PATL2: variants seen among roughly 807,000 people sequenced by gnomAD.
PATL2 encodes protein PAT1 homolog 2.
A neutral mutation model predicts 77.0 loss-of-function variants in PATL2; 73 were observed. That is an observed-to-expected ratio of 0.95 (90% CI 0.78 to 1.15). The LOEUF (loss-of-function observed/expected upper bound fraction) is 1.15, where lower values mean the gene tolerates loss of function less well. Ranked by LOEUF, PATL2 falls within the 50% of genes most tolerant of loss-of-function variation. PATL2 has a pLI of 0.00. For synonymous variants in PATL2, 265 were observed against 257.1 expected (o/e 1.03, Z -0.29); for missense variants, 618 against 655.4 (o/e 0.94, Z 0.62).
chr15:44,703,051 G>A (rs2141267277), intron 3 of PATL2, among the ~76,000 whole-genome samples: 1 of 152,158 alleles, frequency 6.6e-6, no homozygotes, highest in African/African-American at 2.4e-5. Flanking sequence ...CAAGGCAGGT[G>A]GATCACAAGG....
chr15:44,687,427 A>C (rs1418099727), intron 3 of PATL2, among the ~76,000 whole-genome samples: 1 of 152,256 alleles, frequency 6.6e-6, no homozygotes, highest in Non-Finnish European at 1.5e-5. Flanking sequence ...AGAGCTATTT[A>C]TGACAAACAC....
intron 8 of PATL2, 59 bp from the exon 9 acceptor site, chr15:44,672,215 T>A: frequency 6.5e-7 from 1 of 1,550,040 alleles, no homozygotes; most frequent in East Asian, 2.4e-5. Context: ...TCCTAAGGAG[T>A]GTGGTGAGCA....
chr15:44,675,720 G>A, intron 4 of PATL2, 29 bp from the exon 5 acceptor site: 5 of 1,519,242 alleles, frequency 3.3e-6, no homozygotes, highest in Non-Finnish European at 4.4e-6. Flanking sequence ...CAGAGGAGAA[G>A]GTAAGATGGG....
At chr15:44,696,716 T>C (rs1261826675) in intron 3 of PATL2, among the ~76,000 whole-genome samples, 2 of 151,964 alleles carry the variant, frequency 1.3e-5, no homozygotes, top group East Asian at 3.9e-4. Context: ...ACTTGGTAAC[T>C]GCCAATTAAA....
intron 3 of PATL2, among the ~76,000 whole-genome samples, chr15:44,684,375 G>C (rs1331101927): frequency 6.6e-6 from 1 of 151,536 alleles, no homozygotes; most frequent in South Asian, 2.1e-4. Context: ...TTGCTAACTA[G>C]AATAACTAGT....
intron 3 of PATL2, among the ~76,000 whole-genome samples, chr15:44,709,172 T>C (rs111588451): frequency 7.9e-5 from 12 of 152,294 alleles, no homozygotes; most frequent in Middle Eastern, 3.4e-3. Flanking sequence ...GTGCTCAGAT[T>C]ACAGGTGTGA....
chr15:44,707,886 C>T (rs2086773747), intron 3 of PATL2, among the ~76,000 whole-genome samples: 1 of 152,200 alleles, frequency 6.6e-6, no homozygotes, highest in Non-Finnish European at 1.5e-5. Flanking sequence ...GGTGGGGAGG[C>T]TTACTGGAAC....
chr15:44,674,578 T>C (rs1467925348), intron 5 of PATL2, among the ~76,000 whole-genome samples: 1 of 151,972 alleles, frequency 6.6e-6, no homozygotes, highest in Non-Finnish European at 1.5e-5. Flanking sequence ...TAAAAAAAAT[T>C]TTTTTTAGAG....
At chr15:44,693,122 T>C (rs2086428029) in intron 3 of PATL2, among the ~76,000 whole-genome samples, 1 of 152,222 alleles carries the variant, frequency 6.6e-6, no homozygotes, top group African/African-American at 2.4e-5. Flanking sequence ...ATATTTATAC[T>C]GAACTAAGCT....
chr15:44,685,565 G>A lies in PATL2; in HGVS notation c.-75-9000C>T, dbSNP rs371598492. Among the ~76,000 whole-genome samples, 88 of 151,408 alleles carry A rather than the reference G, an allele frequency of 5.8e-4. No homozygotes were observed. The South Asian group carries it at 0.011, about 19-fold the overall frequency. Reference sequence around the variant, plus strand: ...AGAGGTTGCAGTGAGCTGAGATTGCGCCTTTGCATTCCAGCCTGGGCAACA... The same window carrying A: ...AGAGGTTGCAGTGAGCTGAGATTGCACCTTTGCATTCCAGCCTGGGCAACA... On this transcript the variant is annotated intron_variant, in intron 3 of 17. Coordinates refer to ENST00000682850, the MANE Select transcript of PATL2 (RefSeq NM_001387263.1).
chr15:44,703,400 A>T (rs2141267967), intron 3 of PATL2, among the ~76,000 whole-genome samples: 1 of 152,212 alleles, frequency 6.6e-6, no homozygotes, highest in Non-Finnish European at 1.5e-5. Flanking sequence ...GTCTCCAGCT[A>T]TTATTGTATT....
intron 3 of PATL2, among the ~76,000 whole-genome samples, chr15:44,688,946 G>T (rs184513000): frequency 0.019 from 2,967 of 152,192 alleles, 103 homozygotes; most frequent in African/African-American, 0.068. Context: ...GGGAGAAAAT[G>T]TTTGCAATCT....
intron 3 of PATL2, among the ~76,000 whole-genome samples, chr15:44,687,455 G>A (rs537395760): frequency 3.7e-4 from 56 of 152,272 alleles, no homozygotes; most frequent in African/African-American, 1.3e-3. Flanking sequence ...ATATCATACT[G>A]AATGGGCAAA....
chr15:44,669,204 G>A, intron 13 of PATL2, 65 bp from the exon 14 acceptor site: 1 of 1,524,732 alleles, frequency 6.6e-7, no homozygotes. Flanking sequence ...ATGCCACAAA[G>A]GAGAGGCAGA....
chr15:44,667,383 T>A lies in PATL2; in HGVS notation c.1366-180A>T. 8.8e-6 allele frequency: 5 copies of A among 570,104 alleles called. No homozygotes were observed. The East Asian group carries it at 1.2e-4, about 13-fold the overall frequency. 35.3% of individuals were successfully genotyped at this position (570,104 alleles called of 1,614,324 possible). On this transcript the variant is annotated intron_variant, in intron 15 of 17. Transcript: ENST00000682850. ...CCAAAGAACTCTCTAACCCTTTCCA[T>A]AGGAATCACTGCTCTGAACTTTTCC...
chr15:44,680,095 T>A (rs966331664), intron 3 of PATL2, among the ~76,000 whole-genome samples: 8 of 152,152 alleles, frequency 5.3e-5, no homozygotes, highest in African/African-American at 1.9e-4. Flanking sequence ...TGGGAAAGGC[T>A]CCCCACTCTT....
At chr15:44,710,315 T>C (rs1473943656) in intron 2 of PATL2, among the ~76,000 whole-genome samples, 101 bp from the exon 3 acceptor site, 4 of 152,228 alleles carry the variant, frequency 2.6e-5, no homozygotes, top group Non-Finnish European at 5.9e-5. Context: ...CCAAGATCTC[T>C]GCCCCTCCCC....
chr15:44,702,365 G>A (rs535149207), intron 3 of PATL2, among the ~76,000 whole-genome samples: 3 of 147,680 alleles, frequency 2.0e-5, no homozygotes, highest in African/African-American at 7.5e-5. Flanking sequence ...TTATTTATAT[G>A]AGTCTTCTCT....
chr15:44,700,956 T>TG (rs923875543), intron 3 of PATL2, among the ~76,000 whole-genome samples: 50 of 151,884 alleles, frequency 3.3e-4, no homozygotes, highest in South Asian at 2.5e-3. Flanking sequence ...GTCCAGTTTT[T>TG]GGGGGGGGTT....
Sources: allele counts gnomAD v4.1 joint callset (sites outside exome capture counted in the v4.1 genomes callset), GRCh38; gene constraint gnomAD v4.1.1; transcripts MANE v1.5; gene names NCBI Gene and HGNC (gene_info 2026-07-23, HGNC 2026-07-21).